ST6GALNAC3: variants seen among roughly 807,000 people sequenced by gnomAD.
ST6GALNAC3 encodes the protein alpha-N-acetylgalactosaminide alpha-2,6-sialyltransferase 3.
A neutral mutation model predicts 32.7 loss-of-function variants in ST6GALNAC3; 25 were observed. That is an observed-to-expected ratio of 0.76 (90% confidence interval 0.56 to 1.07). The LOEUF (loss-of-function observed/expected upper bound fraction) is 1.07. Ranked by LOEUF, ST6GALNAC3 falls within the 50% of genes least tolerant of loss-of-function variation. The pLI, the probability that ST6GALNAC3 is intolerant of heterozygous loss-of-function variation, is 0.00. For missense variants in ST6GALNAC3, 355 were observed against 382.4 expected (o/e 0.93, Z 0.60); for synonymous variants, 129 against 133.1 (o/e 0.97, Z 0.21).
intron 3 of ST6GALNAC3, among the ~76,000 whole-genome samples, chr1:76,548,137 G>T (rs1448414520): frequency 6.6e-6 from 1 of 152,126 alleles, no homozygotes; most frequent in East Asian, 1.9e-4. Context: ...GAAACATACT[G>T]CTCCTCCCTC....
At chr1:76,389,997 C>A (rs556015563) in intron 2 of ST6GALNAC3, among the ~76,000 whole-genome samples, 165 of 152,144 alleles carry the variant, frequency 1.1e-3, no homozygotes, top group Non-Finnish European at 1.9e-3. Flanking sequence ...TGATCTAGTA[C>A]CGCCTATCAT....
At chr1:76,247,767 G>A (rs188021300) in intron 1 of ST6GALNAC3, among the ~76,000 whole-genome samples, 163 of 152,100 alleles carry the variant, frequency 1.1e-3, no homozygotes, top group African/African-American at 3.8e-3. Flanking sequence ...CTCTGTGGGA[G>A]TGGGACCTGC....
At chr1:76,080,603 G>A (rs1414889101) in intron 1 of ST6GALNAC3, among the ~76,000 whole-genome samples, 1 of 147,104 alleles carries the variant, frequency 6.8e-6, no homozygotes, top group Non-Finnish European at 1.5e-5. Flanking sequence ...GATCATTTTG[G>A]TTCCCCAGAT....
chr1:76,188,490 C>T (rs528140103), intron 1 of ST6GALNAC3, among the ~76,000 whole-genome samples: 2 of 152,194 alleles, frequency 1.3e-5, no homozygotes, highest in African/African-American at 2.4e-5. Flanking sequence ...GTTGTATATG[C>T]GAAATTGATC....
chr1:76,435,136 T>TA (rs1296186668), intron 3 of ST6GALNAC3, among the ~76,000 whole-genome samples: 1 of 152,136 alleles, frequency 6.6e-6, no homozygotes, highest in Non-Finnish European at 1.5e-5. Context: ...CTCAGTCACT[T>TA]AGTTACTCAA....
intron 3 of ST6GALNAC3, among the ~76,000 whole-genome samples, chr1:76,481,980 C>G (rs1460503470): frequency 6.6e-6 from 1 of 152,030 alleles, no homozygotes; most frequent in Non-Finnish European, 1.5e-5. Flanking sequence ...ACCCAAAAAC[C>G]AAGTTCTGTG....
chr1:76,525,747 A>G (rs56002232), intron 3 of ST6GALNAC3, among the ~76,000 whole-genome samples: 3 of 116,504 alleles, frequency 2.6e-5, no homozygotes, highest in Admixed American at 8.5e-5. Flanking sequence ...GTATATATAT[A>G]TGTGTATATA....
rs186145833 is a variant in ST6GALNAC3, at chr1:76,238,610, T to C, written c.19-75195T>C. Among the ~76,000 whole-genome samples, 4 of 152,100 alleles carry C rather than the reference T, an allele frequency of 2.6e-5. No individual in the cohort carries two copies. The East Asian group carries it at 5.8e-4, about 22-fold the overall frequency. On this transcript the variant is annotated intron_variant, in intron 1 of 4. Transcript: ENST00000328299. Reference sequence around the variant, plus strand: ...TTGTAATGCAGTGCCATTGCCTCTGTAGACAATAGGCAGAGAGCAGTGAGA... The same window carrying C: ...TTGTAATGCAGTGCCATTGCCTCTGCAGACAATAGGCAGAGAGCAGTGAGA...
chr1:76,119,966 C>A (rs2100832948), intron 1 of ST6GALNAC3, among the ~76,000 whole-genome samples: 1 of 152,314 alleles, frequency 6.6e-6, no homozygotes, highest in South Asian at 2.1e-4. Context: ...TGGGCACAGG[C>A]CTGCCTTGTA....
chr1:76,364,833 T>C (rs1423384637), intron 2 of ST6GALNAC3, among the ~76,000 whole-genome samples: 1 of 152,010 alleles, frequency 6.6e-6, no homozygotes, highest in Non-Finnish European at 1.5e-5. Flanking sequence ...AAATGACAAA[T>C]GTTGGAAGAT....
At chr1:76,439,224 ATATCACT>A (rs1244772879) in intron 3 of ST6GALNAC3, among the ~76,000 whole-genome samples, 3 of 152,182 alleles carry the variant, frequency 2.0e-5, no homozygotes. Context: ...GAAATGGCAC[ATATCACT>A]GGTTTCCCTG....
intron 3 of ST6GALNAC3, among the ~76,000 whole-genome samples, chr1:76,560,459 A>G (rs1292644556): frequency 1.3e-5 from 2 of 152,232 alleles, no homozygotes; most frequent in Non-Finnish European, 2.9e-5. Flanking sequence ...CAACCAGAAT[A>G]TATAAGGAGC....
intron 3 of ST6GALNAC3, among the ~76,000 whole-genome samples, chr1:76,482,740 T>C (rs1238961343): frequency 6.6e-6 from 1 of 152,162 alleles, no homozygotes; most frequent in Non-Finnish European, 1.5e-5. Flanking sequence ...ATTATTATTA[T>C]TATACTTTAA....
Position 76,305,858 on chromosome 1 carries a change from A to C in ST6GALNAC3, c.19-7947A>C, listed in dbSNP as rs1661017320. On this transcript the variant is annotated intron_variant, in intron 1 of 4. Transcript: ENST00000328299. The stretch of plus-strand genomic sequence containing the variant: ...GCATAGTGAGATGAAGTGACTGCCC[A>C]AAGTCATAGATGGAGAAAATGGTAA... 1.7e-5 allele frequency: 9 copies of C among 515,010 alleles called. No homozygotes were observed. The Admixed American group carries it at 1.8e-4, about 10-fold the overall frequency. 31.9% of individuals were successfully genotyped at this position (515,010 alleles called of 1,614,324 possible).
intron 3 of ST6GALNAC3, among the ~76,000 whole-genome samples, chr1:76,471,516 T>C (rs1659029800): frequency 6.6e-6 from 1 of 152,150 alleles, no homozygotes. Flanking sequence ...CTACCCATAG[T>C]GGGCAAACAA....
chr1:76,087,283 T>C (rs937614438), intron 1 of ST6GALNAC3, among the ~76,000 whole-genome samples: 2 of 152,230 alleles, frequency 1.3e-5, no homozygotes, highest in African/African-American at 2.4e-5. Context: ...ACTCTAGGTT[T>C]CTGTGTTAAA....
chr1:76,324,016 T>C (rs1337122427), intron 2 of ST6GALNAC3, among the ~76,000 whole-genome samples: 2 of 152,096 alleles, frequency 1.3e-5, no homozygotes, highest in Non-Finnish European at 2.9e-5. Context: ...TGCACCACCA[T>C]GCCCGGCTTA....
intron 3 of ST6GALNAC3, among the ~76,000 whole-genome samples, chr1:76,616,303 T>C (rs1462662954): frequency 6.6e-6 from 1 of 152,140 alleles, no homozygotes; most frequent in Non-Finnish European, 1.5e-5. Flanking sequence ...ATTTCAATAA[T>C]AGAGAGAAAA....
At chr1:76,262,534 G>A (rs955208364) in intron 1 of ST6GALNAC3, among the ~76,000 whole-genome samples, 3 of 152,182 alleles carry the variant, frequency 2.0e-5, no homozygotes, top group Admixed American at 6.5e-5. Context: ...ATCTAAGTAA[G>A]TGCTATGATG....
Sources: gnomAD v4.1 joint callset for allele counts (sites outside exome capture counted in the v4.1 genomes callset) on GRCh38, gnomAD v4.1.1 for gene constraint, MANE v1.5 for transcripts, NCBI Gene and HGNC (gene_info 2026-07-23, HGNC 2026-07-21) for gene names.